ANO1: variants seen among roughly 807,000 people sequenced by gnomAD.
ANO1 encodes the protein anoctamin 1.
A neutral mutation model predicts 124.0 loss-of-function variants in ANO1; 59 were observed. The ratio of observed to expected loss-of-function variants is 0.48; its 90% CI spans 0.39 to 0.59. The LOEUF (loss-of-function observed/expected upper bound fraction) is 0.59. Among genes scored for constraint, ANO1 ranks in the 20% least tolerant of loss-of-function variants. The probability of loss-of-function intolerance (pLI) is 0.00; values close to 1 mark genes in which losing one functional copy is unlikely to be tolerated. For synonymous variants in ANO1, 529 were observed against 532.0 expected (o/e 0.99, Z 0.08); for missense variants, 1,059 against 1,328.0 (o/e 0.80, Z 3.15).
chr11:70,032,742 G>A (rs1034722429), intron 1 of ANO1, among the ~76,000 whole-genome samples: 2 of 152,150 alleles, frequency 1.3e-5, no homozygotes, highest in Non-Finnish European at 2.9e-5. Flanking sequence ...TGGGTGTGAA[G>A]GAGAGCTGCC....
intron 17 of ANO1, 59 bp downstream of exon 17, chr11:70,161,421 T>A: frequency 6.4e-7 from 1 of 1,564,472 alleles, no homozygotes; most frequent in Non-Finnish European, 8.8e-7. Context: ...GTCGCCTGCC[T>A]CTTGCTGTGC....
chr11:70,004,053 A>G (rs1481327749), intron 1 of ANO1, among the ~76,000 whole-genome samples: 3 of 151,648 alleles, frequency 2.0e-5, no homozygotes, highest in Non-Finnish European at 4.4e-5. Context: ...GACCCTTTGG[A>G]CCTCCCTCAT....
At chr11:70,115,025 T>G (rs2045922651) in intron 7 of ANO1, among the ~76,000 whole-genome samples, 2 of 152,278 alleles carry the variant, frequency 1.3e-5, no homozygotes, top group South Asian at 4.1e-4. Flanking sequence ...ATAAATGAGG[T>G]GCTGCTGGGA....
chr11:70,087,756 T>A lies in ANO1; in HGVS notation c.113T>A (p.Leu38Gln), dbSNP rs948669398. The part of the protein sequence containing the change: ...IGYLPSEGTL[L>Q]NSLSVDPDAE... ...TGTCTTTTCTTCCACCCTTAGCTGC[T>A]GAACTCCTTATCTGTGGACCCTGAT... Residue 38 changes from leucine (L) to glutamine (Q), a missense_variant, in exon 2 of 26, where the codon CTG becomes CAG. By Grantham distance (113) the Leu-to-Gln change is moderately radical (BLOSUM62 -2). This residue lies in a region of ANO1 where 250 missense variants were observed against 233.1 expected (regional missense o/e 1.07). Coordinates refer to ENST00000355303, the MANE Select transcript of ANO1 (RefSeq NM_018043.7). 2 of 1,594,150 alleles carry A rather than the reference T, an allele frequency of 1.3e-6. No homozygotes were observed. Among genetic ancestry groups the A allele is most frequent in the South Asian group, 1.1e-5 (1 of 88,084 alleles).
chr11:70,008,915 A>G (rs551400154), intron 1 of ANO1, among the ~76,000 whole-genome samples: 6 of 152,210 alleles, frequency 3.9e-5, no homozygotes, highest in African/African-American at 9.6e-5. Flanking sequence ...GGAGACCCAC[A>G]TGGATGCAGC....
chr11:70,131,885 C>G (rs766916289), intron 10 of ANO1, 34 bp from the exon 11 acceptor site: 19 of 1,585,318 alleles, frequency 1.2e-5, no homozygotes, highest in Non-Finnish European at 1.6e-5. Context: ...CATGGCCCAA[C>G]AAGGTGACTC....
At chr11:70,004,185 C>T (rs1454464725) in intron 1 of ANO1, among the ~76,000 whole-genome samples, 2 of 152,208 alleles carry the variant, frequency 1.3e-5, no homozygotes, top group Admixed American at 1.3e-4. Flanking sequence ...ACAAGGGCAG[C>T]GCTGTGTTCC....
chr11:70,067,323 G>GGTTTTTTTTTTTTTT (rs1555008734), intron 1 of ANO1, among the ~76,000 whole-genome samples: 1 of 126,536 alleles, frequency 7.9e-6, no homozygotes. Flanking sequence ...AATCGTGGGT[G>GGTTTTTTTTTTTTTT]TTTTTTTTTT....
intron 1 of ANO1, chr11:70,085,638 A>T: frequency 6.6e-7 from 1 of 1,524,644 alleles, no homozygotes; most frequent in Non-Finnish European, 8.8e-7. Flanking sequence ...GGGGTAGAGG[A>T]GTCTAGACCC....
chr11:70,098,836 C>A (rs778222689), intron 2 of ANO1, among the ~76,000 whole-genome samples: 3 of 152,166 alleles, frequency 2.0e-5, no homozygotes, highest in Non-Finnish European at 4.4e-5. Context: ...CATCCCTGCC[C>A]ACTGTGTATC....
intron 23 of ANO1, among the ~76,000 whole-genome samples, chr11:70,181,046 G>A (rs545174): frequency 0.018 from 2,672 of 152,224 alleles, 88 homozygotes; most frequent in African/African-American, 0.062. Flanking sequence ...GGATCTCCCC[G>A]GGTTTAGCTG....
the ANO1 span, among the ~76,000 whole-genome samples, chr11:69,979,939 G>C: frequency 6.6e-6 from 1 of 152,154 alleles, no homozygotes; most frequent in Non-Finnish European, 1.5e-5. Flanking sequence ...CCGTGCCGTG[G>C]TTCAGGGCCT....
chr11:70,016,670 T>C (rs1856709579), intron 1 of ANO1, among the ~76,000 whole-genome samples: 1 of 152,224 alleles, frequency 6.6e-6, no homozygotes, highest in Non-Finnish European at 1.5e-5. Context: ...CTCATTTGTC[T>C]TCCTGCACAA....
At chr11:70,156,470 G>A (rs1007550236) in intron 15 of ANO1, among the ~76,000 whole-genome samples, 4 of 152,168 alleles carry the variant, frequency 2.6e-5, no homozygotes, top group Admixed American at 1.3e-4. Flanking sequence ...ATGTGTCACC[G>A]CAGACGACGT....
At chr11:70,093,949 A>G (rs932708308) in intron 2 of ANO1, among the ~76,000 whole-genome samples, 2 of 152,210 alleles carry the variant, frequency 1.3e-5, no homozygotes, top group African/African-American at 4.8e-5. Context: ...CTGGCTGAGC[A>G]ACCCTGGGCA....
chr11:70,127,559 G>A (rs1487090255), intron 10 of ANO1, among the ~76,000 whole-genome samples: 3 of 152,212 alleles, frequency 2.0e-5, no homozygotes, highest in East Asian at 3.8e-4. Context: ...TGCCTGGTGC[G>A]ATGGCGCATG....
In ANO1 at chr11:70,147,713, C is replaced by G. The variant is rs79790398; in HGVS notation, c.1259-1997C>G. The stretch of plus-strand genomic sequence containing the variant: ...ATCCCCAGCAATGACTGTGTCTTCT[C>G]CAGACTCTGACTTCCCCTGGGAAGC... On this transcript the variant is annotated intron_variant, in intron 11 of 25. Coordinates refer to ENST00000355303, the MANE Select transcript of ANO1 (RefSeq NM_018043.7). Among the ~76,000 whole-genome samples the G allele has an allele frequency of 6.4e-3, 975 of 152,328 alleles. 4 individuals carry two copies. The highest frequency in any genetic ancestry group is 0.01 in the Non-Finnish European group (690 of 68,018).
At chr11:69,996,335 A>T (rs1856271497) in intron 1 of ANO1, among the ~76,000 whole-genome samples, 1 of 152,226 alleles carries the variant, frequency 6.6e-6, no homozygotes. Context: ...GTGAGTAAGA[A>T]GAAAAACAAT....
At chr11:69,971,660 T>C in the ANO1 span, among the ~76,000 whole-genome samples, 1 of 152,142 alleles carries the variant, frequency 6.6e-6, no homozygotes, top group Admixed American at 6.5e-5. Flanking sequence ...TCCCAGACCA[T>C]GGACTGGGGC....
Sources: allele counts gnomAD v4.1 joint callset (sites outside exome capture counted in the v4.1 genomes callset), GRCh38; gene constraint gnomAD v4.1.1; regional missense constraint gnomAD v4.1.1; transcripts MANE v1.5; gene names NCBI Gene and HGNC (gene_info 2026-07-23, HGNC 2026-07-21).